The following ZNF507 variants were observed in gnomAD, a reference collection of about 807,000 sequenced individuals.
ZNF507 encodes zinc finger protein 507.
ZNF507 carries 29 observed loss-of-function variants against 80.0 expected under a neutral mutation model. The ratio of observed to expected loss-of-function variants is 0.36; its 90% CI spans 0.27 to 0.49. The LOEUF is 0.49. Among genes scored for constraint, ZNF507 ranks in the 20% least tolerant of loss-of-function variants. ZNF507 has a pLI of 0.98. For missense variants in ZNF507, 1,081 were observed against 1,152.2 expected (o/e 0.94, Z 0.90); for synonymous variants, 462 against 422.5 (o/e 1.09, Z -1.15).
intron 2 of ZNF507, among the ~76,000 whole-genome samples, 166 bp from the exon 3 acceptor site, chr19:32,352,663 A>G (rs1172996142): frequency 7.9e-5 from 12 of 152,182 alleles, no homozygotes; most frequent in African/African-American, 2.7e-4. Context: ...ATTCTAACCA[A>G]TTTAAATCTA....
At chr19:32,363,083 G>A (rs1967351862) in intron 5 of ZNF507, among the ~76,000 whole-genome samples, 2 of 152,184 alleles carry the variant, frequency 1.3e-5, no homozygotes, top group African/African-American at 2.4e-5. Flanking sequence ...AGCTGGTAGC[G>A]TAGCCTTTAT....
chr19:32,354,247 G>A lies in ZNF507; in HGVS notation c.1417G>A (p.Ala473Thr). The change falls in exon 3 of 7, where the codon GCT (alanine) becomes ACT (threonine). Residue 473 changes from alanine to threonine, a missense_variant. Ala to Thr is a moderately conservative substitution (Grantham distance 58, BLOSUM62 0). This residue lies in a region of ZNF507 where 614 missense variants were observed against 583.9 expected (regional missense o/e 1.05). Coordinates refer to ENST00000355898, the MANE Select transcript of ZNF507 (RefSeq NM_001136156.2). ...KKDELMNKGL[A>T]TDENAPPGRR... ...AGACGAGTTAATGAATAAAGGCCTG[G>A]CTACTGATGAGAATGCCCCACCAGG... 1 of 1,614,096 alleles carries A rather than the reference G, an allele frequency of 6.2e-7. No individual in the cohort carries two copies. Among genetic ancestry groups the A allele is most frequent in the Non-Finnish European group, 8.5e-7 (1 of 1,180,030 alleles).
intron 5 of ZNF507, among the ~76,000 whole-genome samples, chr19:32,372,377 A>G (rs1967485822): frequency 6.6e-6 from 1 of 152,190 alleles, no homozygotes; most frequent in Non-Finnish European, 1.5e-5. Flanking sequence ...TTTGCTGACC[A>G]GTTGAGTGGA....
Position 32,353,504 on chromosome 19 carries a change from C to A in ZNF507, c.674C>A (p.Thr225Asn). Reference protein sequence around the residue: ...PVSVDNLQTHTVQTASVAEMG... With the variant: ...PVSVDNLQTHNVQTASVAEMG... The stretch of plus-strand genomic sequence containing the variant: ...AGTGTGGACAATCTACAGACTCATA[C>A]TGTCCAAACTGCATCTGTGGCAGAA... Residue 225 changes from threonine to asparagine, a missense_variant, in exon 3 of 7, where the codon ACT (threonine) becomes AAT (asparagine). This residue lies in a region of ZNF507 where 275 missense variants were observed against 303.9 expected (regional missense o/e 0.90). Transcript: ENST00000355898. 3 of 1,614,228 alleles carry A rather than the reference C, an allele frequency of 1.9e-6. No homozygotes were observed. Among genetic ancestry groups the A allele is most frequent in the Non-Finnish European group, 2.5e-6 (3 of 1,180,046 alleles).
At chr19:32,350,360 G>A (rs959602793) in intron 2 of ZNF507, among the ~76,000 whole-genome samples, 11 of 152,086 alleles carry the variant, frequency 7.2e-5, no homozygotes, top group African/African-American at 2.4e-4. Context: ...CCAAATGTAT[G>A]CAGCCTTTAA....
chr19:32,372,714 C>T (rs1441926762), intron 5 of ZNF507, among the ~76,000 whole-genome samples: 1 of 149,394 alleles, frequency 6.7e-6, no homozygotes, highest in Non-Finnish European at 1.5e-5. Context: ...CAGGAACTCA[C>T]CCACCACCGA....
Position 32,382,942 on chromosome 19 carries a change from C to T in ZNF507, c.2721C>T (p.Cys907=), listed in dbSNP as rs746936730. ...TGGCCCCTCCTAGCATGGAGTACTG[C>T]GTTTTACTCTTCTGCTGTTGTATTT... ...SSLAPPSMEY[C]VLLFCCCICG... The change falls in exon 7 of 7, where the codon TGC becomes TGT. Residue 907 remains cysteine (C), a synonymous_variant. Transcript: ENST00000355898. The T allele has an allele frequency of 2.2e-5, 36 of 1,613,984 alleles. No homozygotes were observed. The South Asian group carries it at 2.7e-4, about 12-fold the overall frequency.
intron 5 of ZNF507, among the ~76,000 whole-genome samples, chr19:32,374,289 T>C (rs922582663): frequency 3.3e-5 from 5 of 152,134 alleles, no homozygotes; most frequent in African/African-American, 9.7e-5. Context: ...GCTAGCATTT[T>C]GCTAGCATTT....
In ZNF507 at chr19:32,360,493, A is replaced by G. The variant is rs1967307341; in HGVS notation, c.2246-11A>G. The G allele has an allele frequency of 6.7e-7, 1 of 1,494,066 alleles. No homozygotes were observed. Among genetic ancestry groups the G allele is most frequent in the Non-Finnish European group, 9.1e-7 (1 of 1,104,670 alleles). The allele number at this position is 1,494,066 out of a possible 1,614,324, so 92.6% of individuals were successfully genotyped here. A position where few individuals can be genotyped will look rare whatever the true frequency, so the allele number is the denominator to read the frequency against. On this transcript the variant is annotated splice_polypyrimidine_tract_variant and intron_variant, in intron 4 of 6. Coordinates refer to ENST00000355898, the MANE Select transcript of ZNF507 (RefSeq NM_001136156.2). The stretch of plus-strand genomic sequence containing the variant: ...AAGCCTGCTACTAAAACTCTGAAAT[A>G]CCTTGTCTAGGGAATAAGTCTTCAG...
At position 32,383,181 on chromosome 19, in the gene ZNF507, C is replaced by T. The variant is rs532913645; in HGVS notation, c.*98C>T. On this transcript the variant is annotated 3_prime_UTR_variant, in exon 7 of 7. Coordinates refer to ENST00000355898, the MANE Select transcript of ZNF507 (RefSeq NM_001136156.2). ...GACAACTTCCTGCCACAGAAGAAGT[C>T]GTTGATGTGATTTTTGAGGAAATGA... is the stretch of plus-strand genomic sequence containing the variant. 86 of 1,457,908 alleles carry T rather than the reference C, an allele frequency of 5.9e-5. No individual in the cohort carries two copies. In the East Asian group the frequency reaches 1.8e-3, roughly 31 times the overall value. The allele number at this position is 1,457,908 out of a possible 1,614,324, so 90.3% of individuals were successfully genotyped here.
In ZNF507 at chr19:32,353,892, G is replaced by C. The variant is rs1967208930; in HGVS notation, c.1062G>C (p.Leu354=). Reference sequence around the variant, plus strand: ...TACACCTAAGTCAGTCAGTTACCCTGGACCCCAATGAGGAAGAAATGCTAG... The same window carrying C: ...TACACCTAAGTCAGTCAGTTACCCTCGACCCCAATGAGGAAGAAATGCTAG... ...RGVHLSQSVT[L]DPNEEEMLEV... Residue 354 remains leucine (L), a synonymous_variant, in exon 3 of 7, where the codon CTG becomes CTC. Transcript: ENST00000355898. The C allele has an allele frequency of 1.9e-6, 3 of 1,614,116 alleles. No homozygotes were observed. The highest frequency in any genetic ancestry group is 2.5e-6 in the Non-Finnish European group (3 of 1,180,036).
rs1188872326 is a variant in ZNF507, at chr19:32,384,878, CA to C, written c.*1798del. ...ATGGATTTATATATACTATATTCCTCAAATCCACTGTATGTGGACTTATATT... is the reference window on the plus strand; with the variant it reads ...ATGGATTTATATATACTATATTCCTCAATCCACTGTATGTGGACTTATATT... On this transcript the variant is annotated 3_prime_UTR_variant, in exon 7 of 7. Coordinates refer to ENST00000355898, the MANE Select transcript of ZNF507 (RefSeq NM_001136156.2). 6.6e-6 allele frequency: 1 copy of C among 152,066 alleles called. No individual in the cohort carries two copies. The highest frequency in any genetic ancestry group is 6.6e-5 in the Admixed American group (1 of 15,264). The allele number at this position is 152,066 out of a possible 1,614,324, so 9.4% of individuals were successfully genotyped here.
intron 5 of ZNF507, among the ~76,000 whole-genome samples, chr19:32,381,850 A>G (rs1967627288): frequency 6.6e-6 from 1 of 152,220 alleles, no homozygotes. Flanking sequence ...CATCTAAAAA[A>G]TAAAGTCTAT....
chr19:32,364,370 G>C (rs1018147029), intron 5 of ZNF507, among the ~76,000 whole-genome samples: 7 of 151,792 alleles, frequency 4.6e-5, no homozygotes, highest in Non-Finnish European at 8.8e-5. Flanking sequence ...TTGAGGTACA[G>C]GTGGTGTTTG....
chr19:32,368,508 C>T (rs910317617), intron 5 of ZNF507, among the ~76,000 whole-genome samples: 19 of 152,218 alleles, frequency 1.2e-4, no homozygotes, highest in African/African-American at 4.6e-4. Context: ...TTGGCAGTCA[C>T]AGCCCATCAC....
chr19:32,354,433 A>G lies in ZNF507; in HGVS notation c.1603A>G (p.Ser535Gly). 1 of 1,614,186 alleles carries G rather than the reference A, an allele frequency of 6.2e-7. No individual in the cohort carries two copies. The highest frequency in any genetic ancestry group is 8.5e-7 in the Non-Finnish European group (1 of 1,180,032). Residue 535 changes from serine (S) to glycine (G), a missense_variant, in exon 3 of 7, where the codon AGT (serine) becomes GGT (glycine). Physicochemically the swap from Ser to Gly is moderately conservative, Grantham distance 56. This residue lies in a region of ZNF507 where 614 missense variants were observed against 583.9 expected (regional missense o/e 1.05). Transcript: ENST00000355898. Reference protein sequence around the residue: ...DPDTSQRQVDSTLAAYSKMMS... With the variant: ...DPDTSQRQVDGTLAAYSKMMS... ...AGATACTAGTCAAAGGCAAGTAGAT[A>G]GTACATTGGCAGCGTACTCAAAAAT... is the stretch of plus-strand genomic sequence containing the variant.
chr19:32,370,221 G>A (rs1967452168), intron 5 of ZNF507, among the ~76,000 whole-genome samples: 1 of 152,240 alleles, frequency 6.6e-6, no homozygotes, highest in South Asian at 2.1e-4. Flanking sequence ...AACATGGAAA[G>A]GCAGATACCT....
In ZNF507 at chr19:32,354,472, A is replaced by G. The variant is rs1180398685; in HGVS notation, c.1642A>G (p.Lys548Glu). 1 of 1,614,102 alleles carries G rather than the reference A, an allele frequency of 6.2e-7. No individual in the cohort carries two copies. The highest frequency in any genetic ancestry group is 2.2e-5 in the East Asian group (1 of 44,894). The change falls in exon 3 of 7, where the codon AAA becomes GAA. Residue 548 changes from lysine to glutamate, a missense_variant. Lys to Glu is a moderately conservative substitution (Grantham distance 56, BLOSUM62 1). Around this residue, in one of 6 missense-constraint regions of ZNF507, gnomAD observed 614 missense variants for 583.9 expected, o/e 1.05. Coordinates refer to ENST00000355898, the MANE Select transcript of ZNF507 (RefSeq NM_001136156.2). The part of the protein sequence containing the change: ...AAYSKMMSPL[K>E]NSSDGLTSLN... ...GTACTCAAAAATGATGTCGCCACTT[A>G]AAAACTCTTCAGATGGATTAACTAG...
At chr19:32,351,572 G>A (rs1967169809) in intron 2 of ZNF507, among the ~76,000 whole-genome samples, 2 of 143,228 alleles carry the variant, frequency 1.4e-5, no homozygotes, top group African/African-American at 5.2e-5. Context: ...CATCTTGGCA[G>A]GGGCTGAAGG....
Sources: gnomAD v4.1 joint callset for allele counts (sites outside exome capture counted in the v4.1 genomes callset) on GRCh38, gnomAD v4.1.1 for gene constraint, gnomAD v4.1.1 regional missense constraint, MANE v1.5 for transcripts, NCBI Gene and HGNC (gene_info 2026-07-23, HGNC 2026-07-21) for gene names.